The following AGBL4 variants were observed in gnomAD, a reference collection of about 807,000 sequenced individuals.
AGBL4 encodes AGBL carboxypeptidase 4.
AGBL4 carries 58 observed loss-of-function variants against 66.4 expected under a neutral mutation model. The ratio of observed to expected loss-of-function variants is 0.87; its 90% confidence interval spans 0.71 to 1.09. The LOEUF is 1.09. AGBL4 is among the 50% of genes least tolerant of loss of function. The pLI is 0.00. For missense variants in AGBL4, 579 were observed against 631.0 expected (o/e 0.92, Z 0.88); for synonymous variants, 234 against 222.9 (o/e 1.05, Z -0.44).
intron 3 of AGBL4, among the ~76,000 whole-genome samples, chr1:49,691,981 A>G (rs1295167964): frequency 6.6e-6 from 1 of 151,564 alleles, no homozygotes; most frequent in Non-Finnish European, 1.5e-5. Context: ...TACTTAATAA[A>G]CTCCCCATAT....
intron 3 of AGBL4, among the ~76,000 whole-genome samples, chr1:49,263,706 A>C (rs1653455772): frequency 6.6e-6 from 1 of 152,186 alleles, no homozygotes; most frequent in South Asian, 2.1e-4. Flanking sequence ...TAAGCATGTA[A>C]AATAGAAGAG....
At chr1:49,948,022 A>ATATATT (rs1557607804) in intron 1 of AGBL4, among the ~76,000 whole-genome samples, 56 of 84,258 alleles carry the variant, frequency 6.6e-4, no homozygotes, top group African/African-American at 2.0e-3. Context: ...ATATAAATAT[A>ATATATT]TATAAATATA....
chr1:49,006,769 T>A (rs1260136677), intron 5 of AGBL4, among the ~76,000 whole-genome samples: 3 of 151,918 alleles, frequency 2.0e-5, no homozygotes, highest in Non-Finnish European at 4.4e-5. Flanking sequence ...AGGGGCACAC[T>A]GACACCTCAC....
At chr1:48,593,743 T>C (rs1236557350) in intron 9 of AGBL4, among the ~76,000 whole-genome samples, 5 of 152,018 alleles carry the variant, frequency 3.3e-5, no homozygotes, top group Admixed American at 2.6e-4. Context: ...AGTGCGAGAC[T>C]CCGTCTCAAA....
intron 2 of AGBL4, among the ~76,000 whole-genome samples, chr1:49,738,299 C>A (rs905813494): frequency 6.6e-6 from 1 of 152,324 alleles, no homozygotes; most frequent in South Asian, 2.1e-4. Flanking sequence ...CACGGAGCCC[C>A]GCTCATTGCT....
chr1:49,698,600 C>T (rs984083251), intron 2 of AGBL4, among the ~76,000 whole-genome samples: 1 of 152,006 alleles, frequency 6.6e-6, no homozygotes, highest in Non-Finnish European at 1.5e-5. Flanking sequence ...TGGCTCTAAC[C>T]ACTAGACAAT....
intron 3 of AGBL4, among the ~76,000 whole-genome samples, chr1:49,626,617 C>A (rs1280352768): frequency 6.6e-6 from 1 of 150,854 alleles, no homozygotes; most frequent in African/African-American, 2.4e-5. Context: ...TGTGTTGATT[C>A]ATCCCTAAGT....
At chr1:49,654,450 C>G (rs962700980) in intron 3 of AGBL4, among the ~76,000 whole-genome samples, 2 of 152,068 alleles carry the variant, frequency 1.3e-5, no homozygotes, top group Admixed American at 6.6e-5. Flanking sequence ...CTGCTTGGTG[C>G]AGAGCTGAAT....
intron 3 of AGBL4, among the ~76,000 whole-genome samples, chr1:49,439,819 TC>T (rs1042568649): frequency 1.3e-5 from 2 of 152,202 alleles, no homozygotes; most frequent in Non-Finnish European, 1.5e-5. Flanking sequence ...CGACTGGCTT[TC>T]CTTGCTCCTC....
At chr1:49,450,066 ATCT>A (rs1646244184) in intron 3 of AGBL4, among the ~76,000 whole-genome samples, 1 of 152,096 alleles carries the variant, frequency 6.6e-6, no homozygotes, top group Non-Finnish European at 1.5e-5. Context: ...TGGAAAAATC[ATCT>A]TCCAGTAATG....
chr1:48,617,110 G>A (rs1446576543), intron 9 of AGBL4, among the ~76,000 whole-genome samples: 5 of 152,182 alleles, frequency 3.3e-5, no homozygotes, highest in Non-Finnish European at 7.3e-5. Context: ...AAGATGCTGA[G>A]TGTTAGAAAG....
At chr1:49,845,832 C>A in intron 2 of AGBL4, 2 of 1,487,844 alleles carry the variant, frequency 1.3e-6, no homozygotes, top group Non-Finnish European at 1.9e-6. Flanking sequence ...AGAAGCCGTT[C>A]GACTGCAGTC....
intron 2 of AGBL4, among the ~76,000 whole-genome samples, chr1:49,796,810 A>T (rs1043828468): frequency 1.3e-5 from 2 of 151,974 alleles, no homozygotes; most frequent in Non-Finnish European, 2.9e-5. Context: ...ATGAGTACAT[A>T]TTATTATTTC....
chr1:48,592,289 G>A (rs1281494138), intron 9 of AGBL4, among the ~76,000 whole-genome samples: 1 of 152,140 alleles, frequency 6.6e-6, no homozygotes, highest in Non-Finnish European at 1.5e-5. Flanking sequence ...CATAGTCCTG[G>A]GAAAGAAGAA....
At chr1:49,296,654 T>G (rs1644649128) in intron 3 of AGBL4, among the ~76,000 whole-genome samples, 1 of 152,214 alleles carries the variant, frequency 6.6e-6, no homozygotes, top group Non-Finnish European at 1.5e-5. Flanking sequence ...GTCATAGCCC[T>G]GTGAGTTGCC....
intron 1 of AGBL4, among the ~76,000 whole-genome samples, chr1:50,019,306 T>TCACACACACACACACA (rs35648756): frequency 1.2e-4 from 6 of 48,432 alleles, no homozygotes; most frequent in South Asian, 3.2e-3. Flanking sequence ...TCTCTCTCTC[T>TCACACACACACACACA]CACACACACA....
In AGBL4 at chr1:48,797,924, G is replaced by A. The variant is rs144603450; in HGVS notation, c.634+69267C>T. ...TTCCATATTTTTGCAATTGCAAATTGTGCTGCTATAAACGTGTGTGCAAGT... is the reference window on the plus strand; with the variant it reads ...TTCCATATTTTTGCAATTGCAAATTATGCTGCTATAAACGTGTGTGCAAGT... On this transcript the variant is annotated intron_variant, in intron 6 of 13. Transcript: ENST00000371839. Among the ~76,000 whole-genome samples, 9 of 152,308 alleles carry A rather than the reference G, an allele frequency of 5.9e-5. No individual in the cohort carries two copies. The East Asian group carries it at 1.7e-3, about 29-fold the overall frequency.
At chr1:49,019,071 AAGG>A (rs1557565542) in intron 5 of AGBL4, among the ~76,000 whole-genome samples, 1 of 152,102 alleles carries the variant, frequency 6.6e-6, no homozygotes, top group Admixed American at 6.5e-5. Context: ...GGCTTAACAG[AAGG>A]AGAATAGGAA....
chr1:48,899,857 A>G (rs1651910275), intron 5 of AGBL4, among the ~76,000 whole-genome samples: 1 of 152,256 alleles, frequency 6.6e-6, no homozygotes, highest in Non-Finnish European at 1.5e-5. Context: ...TTACGGGAAG[A>G]AAGACTTTTT....
Sources: allele counts gnomAD v4.1 joint callset (sites outside exome capture counted in the v4.1 genomes callset), GRCh38; gene constraint gnomAD v4.1.1; transcripts MANE v1.5; gene names NCBI Gene and HGNC (gene_info 2026-07-23, HGNC 2026-07-21).